RANBP2: variants seen among roughly 807,000 people sequenced by gnomAD.
RANBP2 encodes the protein RAN binding protein 2.
Under a neutral mutation model 303.6 loss-of-function variants are expected in RANBP2, and 57 were observed. The ratio of observed to expected loss-of-function variants is 0.19; its 90% CI spans 0.15 to 0.23. The LOEUF (loss-of-function observed/expected upper bound fraction) is 0.23, where lower values mean the gene tolerates loss of function less well. Among genes scored for constraint, RANBP2 ranks in the 10% least tolerant of loss-of-function variants. RANBP2 has a pLI of 1.00. For synonymous variants in RANBP2, 1,167 were observed against 1,301.5 expected (o/e 0.90, Z 2.23); for missense variants, 3,138 against 3,780.8 (o/e 0.83, Z 4.46).
At chr2:109,539,437 G>A in the RANBP2 span, among the ~76,000 whole-genome samples, 1 of 152,188 alleles carries the variant, frequency 6.6e-6, no homozygotes, top group South Asian at 2.1e-4. Flanking sequence ...GTCAACCCGT[G>A]AAGCCTGGCA....
At chr2:109,653,394 CAAAA>C in the RANBP2 span, among the ~76,000 whole-genome samples, 1 of 141,792 alleles carries the variant, frequency 7.1e-6, no homozygotes, top group Admixed American at 7.1e-5. Flanking sequence ...GATTTCGTCT[CAAAA>C]AAAAAAAAAA....
At chr2:108,780,999 G>GC (rs1473067012) in intron 25 of RANBP2, among the ~76,000 whole-genome samples, 2 of 151,420 alleles carry the variant, frequency 1.3e-5, no homozygotes, top group Non-Finnish European at 2.9e-5. Flanking sequence ...GTGAGCCACT[G>GC]CGCCCAGCCT....
the RANBP2 span, among the ~76,000 whole-genome samples, chr2:109,733,903 G>A: frequency 1.3e-5 from 2 of 151,588 alleles, no homozygotes; most frequent in Admixed American, 1.3e-4. Flanking sequence ...CGGGCGCAGT[G>A]TCTCATGCCT....
At chr2:109,421,462 G>A in the RANBP2 span, among the ~76,000 whole-genome samples, 19 of 152,230 alleles carry the variant, frequency 1.2e-4, no homozygotes, top group African/African-American at 3.6e-4. Context: ...GACCCAAAAC[G>A]TAACAGTTCC....
chr2:109,113,960 C>G, the RANBP2 span, among the ~76,000 whole-genome samples: 1 of 152,152 alleles, frequency 6.6e-6, no homozygotes, highest in East Asian at 1.9e-4. Flanking sequence ...TATATTGAAC[C>G]AGCCTTGCAT....
the RANBP2 span, among the ~76,000 whole-genome samples, chr2:108,976,693 T>C: frequency 6.6e-6 from 1 of 152,256 alleles, no homozygotes; most frequent in African/African-American, 2.4e-5. Flanking sequence ...CTCTGGGTTA[T>C]AACCCAATAT....
the RANBP2 span, among the ~76,000 whole-genome samples, chr2:109,020,766 C>T: frequency 6.6e-6 from 1 of 152,166 alleles, no homozygotes; most frequent in Admixed American, 6.5e-5. Context: ...TTAGTTTTAC[C>T]AGTCAAGGTA....
the RANBP2 span, among the ~76,000 whole-genome samples, chr2:109,090,328 A>G: frequency 2.1e-5 from 3 of 142,124 alleles, no homozygotes; most frequent in Non-Finnish European, 4.7e-5. Context: ...ACACACACAC[A>G]CACACACACA....
the RANBP2 span, among the ~76,000 whole-genome samples, chr2:109,073,166 A>G: frequency 2.0e-5 from 3 of 152,242 alleles, no homozygotes; most frequent in African/African-American, 7.2e-5. Context: ...AGGTCAGGAG[A>G]GCAATGCATG....
the RANBP2 span, chr2:108,897,058 T>G: frequency 6.2e-7 from 1 of 1,614,174 alleles, no homozygotes; most frequent in Non-Finnish European, 8.5e-7. Flanking sequence ...GCTGATGCGG[T>G]CAAAGAGTTG....
chr2:108,989,757 C>CA, the RANBP2 span, among the ~76,000 whole-genome samples: 2 of 152,064 alleles, frequency 1.3e-5, no homozygotes, highest in Non-Finnish European at 2.9e-5. Context: ...GAAACATCAA[C>CA]ATTTTGAAAG....
chr2:109,747,330 C>A, the RANBP2 span, among the ~76,000 whole-genome samples: 1 of 134,452 alleles, frequency 7.4e-6, no homozygotes, highest in Non-Finnish European at 1.6e-5. Context: ...ACATTTATGA[C>A]TATAAAATAA....
At chr2:109,522,833 A>G in the RANBP2 span, among the ~76,000 whole-genome samples, 1 of 152,232 alleles carries the variant, frequency 6.6e-6, no homozygotes, top group Non-Finnish European at 1.5e-5. Flanking sequence ...GCACCTGCCC[A>G]GGGTGGAAGC....
the RANBP2 span, among the ~76,000 whole-genome samples, chr2:109,374,322 C>T: frequency 6.6e-6 from 1 of 152,156 alleles, no homozygotes; most frequent in African/African-American, 2.4e-5. Context: ...AGCCTGGCAG[C>T]CTCAGCTCTG....
chr2:108,967,927 C>T, the RANBP2 span, among the ~76,000 whole-genome samples: 3 of 152,262 alleles, frequency 2.0e-5, no homozygotes, highest in East Asian at 3.9e-4. Flanking sequence ...CTGTCAAATC[C>T]GGCTTTGCGG....
At chr2:109,216,974 C>T in the RANBP2 span, among the ~76,000 whole-genome samples, 2 of 152,134 alleles carry the variant, frequency 1.3e-5, no homozygotes, top group African/African-American at 2.4e-5. Flanking sequence ...GCCCTGGCAC[C>T]CACTCTTCTA....
At chr2:109,071,836 A>G in the RANBP2 span, among the ~76,000 whole-genome samples, 94 of 152,320 alleles carry the variant, frequency 6.2e-4, 1 homozygote, top group African/African-American at 2.2e-3. Flanking sequence ...GAAGAGAGCT[A>G]GAGGGGCCAA....
the RANBP2 span, among the ~76,000 whole-genome samples, chr2:109,716,249 A>T: frequency 7.2e-4 from 109 of 151,568 alleles, 1 homozygote; most frequent in East Asian, 7.7e-3. Context: ...TATTTTTTTT[A>T]AAAAAAATTT....
chr2:109,370,125 G>C, the RANBP2 span, among the ~76,000 whole-genome samples: 1 of 152,246 alleles, frequency 6.6e-6, no homozygotes, highest in Admixed American at 6.5e-5. Context: ...TTCCGGAGAA[G>C]GGAACAGAGG....
Sources: allele counts gnomAD v4.1 joint callset (sites outside exome capture counted in the v4.1 genomes callset), GRCh38; gene constraint gnomAD v4.1.1; transcripts MANE v1.5; gene names NCBI Gene and HGNC (gene_info 2026-07-23, HGNC 2026-07-21).